AGPS: variants seen among roughly 807,000 people sequenced by gnomAD.
AGPS encodes the protein alkylglycerone phosphate synthase.
A neutral mutation model predicts 90.7 loss-of-function variants in AGPS; 26 were observed. The ratio of observed to expected loss-of-function variants is 0.29; its 90% CI spans 0.21 to 0.40. The LOEUF is 0.40. AGPS is among the 10% of genes least tolerant of loss of function. The pLI is 1.00. For synonymous variants in AGPS, 294 were observed against 285.3 expected (o/e 1.03, Z -0.31); for missense variants, 540 against 816.1 (o/e 0.66, Z 4.12).
intron 14 of AGPS, among the ~76,000 whole-genome samples, chr2:177,501,275 C>T (rs575500790): frequency 8.5e-5 from 13 of 152,236 alleles, no homozygotes; most frequent in African/African-American, 3.1e-4. Flanking sequence ...CACATCTGTA[C>T]ACACACCCAC....
rs564358151 is a variant in AGPS, at chr2:177,425,632, A to AAG, written c.350+5275_350+5276insGA. Among the ~76,000 whole-genome samples, 432 of 150,934 alleles carry AAG rather than the reference A, an allele frequency of 2.9e-3. 2 individuals are homozygous for AAG. The highest frequency in any genetic ancestry group is 1.0e-2 in the African/African-American group (411 of 41,168). On this transcript the variant is annotated intron_variant, in intron 2 of 19. Coordinates refer to ENST00000264167, the MANE Select transcript of AGPS (RefSeq NM_003659.4). ...GTGAAACTCTGCCTAGAAAAAAAAA[A>AAG]AAAAAAAAAAAAGGAAATCCTTTCC...
At chr2:177,468,361 GAC>G in intron 9 of AGPS, 53 bp from the exon 10 acceptor site, 1 of 1,027,348 alleles carries the variant, frequency 9.7e-7, no homozygotes, top group Non-Finnish European at 1.5e-6. Flanking sequence ...TCTGTACATA[GAC>G]ACACATTCAC....
intron 19 of AGPS, among the ~76,000 whole-genome samples, chr2:177,535,224 C>G (rs2079173185): frequency 2.6e-5 from 4 of 152,150 alleles, no homozygotes; most frequent in African/African-American, 7.2e-5. Flanking sequence ...CAGTAGATAA[C>G]TATCACATAC....
intron 13 of AGPS, among the ~76,000 whole-genome samples, chr2:177,498,426 AAT>A (rs1688470844): frequency 6.6e-6 from 1 of 151,180 alleles, no homozygotes; most frequent in Non-Finnish European, 1.5e-5. Flanking sequence ...CTTTGTCATA[AAT>A]GTTGTAAGTA....
At chr2:177,431,563 A>G (rs1251513372) in intron 2 of AGPS, among the ~76,000 whole-genome samples, 1 of 152,150 alleles carries the variant, frequency 6.6e-6, no homozygotes, top group East Asian at 1.9e-4. Flanking sequence ...TGAGACAGAC[A>G]CTTCCAGAGC....
chr2:177,397,487 G>A (rs1232283847), intron 1 of AGPS, among the ~76,000 whole-genome samples: 1 of 149,158 alleles, frequency 6.7e-6, no homozygotes, highest in African/African-American at 2.5e-5. Flanking sequence ...TTTTTTTAAG[G>A]CTCTTGTGGT....
chr2:177,488,713 C>G (rs1000740947), intron 11 of AGPS, among the ~76,000 whole-genome samples: 4 of 152,122 alleles, frequency 2.6e-5, no homozygotes, highest in Non-Finnish European at 5.9e-5. Flanking sequence ...GATTGATAGT[C>G]TATTTCCAAG....
At chr2:177,428,036 A>G (rs930399456) in intron 2 of AGPS, among the ~76,000 whole-genome samples, 1 of 152,040 alleles carries the variant, frequency 6.6e-6, no homozygotes, top group Non-Finnish European at 1.5e-5. Context: ...TATATTTAGG[A>G]TATTTAGCTC....
At chr2:177,472,162 T>TATAC (rs779797333) in intron 10 of AGPS, among the ~76,000 whole-genome samples, 66 of 151,872 alleles carry the variant, frequency 4.3e-4, no homozygotes, top group Non-Finnish European at 6.9e-4. Context: ...GGACATTGAT[T>TATAC]ATACGTATGT....
At chr2:177,411,263 A>G (rs773203792) in intron 1 of AGPS, among the ~76,000 whole-genome samples, 2 of 152,228 alleles carry the variant, frequency 1.3e-5, no homozygotes, top group Non-Finnish European at 2.9e-5. Flanking sequence ...TTGGCCTTCA[A>G]TAGAGTCAGT....
intron 1 of AGPS, among the ~76,000 whole-genome samples, chr2:177,411,296 A>C (rs1220706045): frequency 2.6e-5 from 4 of 152,222 alleles, no homozygotes; most frequent in Admixed American, 1.3e-4. Flanking sequence ...ATGCTTCCTC[A>C]GTGCCTCCCT....
chr2:177,500,085 TG>T (rs897327498), intron 14 of AGPS, among the ~76,000 whole-genome samples: 1 of 151,966 alleles, frequency 6.6e-6, no homozygotes, highest in African/African-American at 2.4e-5. Flanking sequence ...TCTTACTCTG[TG>T]GTGATAATAG....
Position 177,542,340 on chromosome 2 carries a change from A to G in AGPS, c.*4145A>G, listed in dbSNP as rs759870258. The G allele has an allele frequency of 1.3e-5, 2 of 152,028 alleles. No individual in the cohort carries two copies. The highest frequency in any genetic ancestry group is 2.4e-5 in the African/African-American group (1 of 41,390). The allele number at this position is 152,028 out of a possible 1,614,324, so 9.4% of individuals were successfully genotyped here. A position where few individuals can be genotyped will look rare whatever the true frequency, so the allele number is the denominator to read the frequency against. Reference sequence around the variant, plus strand: ...TTTGAGACTCCTATGAACCTGAAGCACTCCCTTTTGAACCTTGGAAGATCC... The same window carrying G: ...TTTGAGACTCCTATGAACCTGAAGCGCTCCCTTTTGAACCTTGGAAGATCC... On this transcript the variant is annotated 3_prime_UTR_variant, in exon 20 of 20. Transcript: ENST00000264167.
chr2:177,436,928 T>A (rs761454555), intron 4 of AGPS, 44 bp downstream of exon 4: 10 of 1,610,662 alleles, frequency 6.2e-6, no homozygotes, highest in Admixed American at 3.3e-5. Context: ...AACAAAAAAA[T>A]TCTATATTTT....
At chr2:177,455,602 C>T (rs1687089017) in intron 8 of AGPS, among the ~76,000 whole-genome samples, 1 of 151,966 alleles carries the variant, frequency 6.6e-6, no homozygotes, top group Admixed American at 6.6e-5. Context: ...CCTGTTTCTT[C>T]TATTTTTCTG....
intron 16 of AGPS, among the ~76,000 whole-genome samples, chr2:177,510,542 GT>G (rs1688840179): frequency 6.6e-6 from 1 of 151,766 alleles, no homozygotes; most frequent in African/African-American, 2.4e-5. Context: ...TTGACATCTT[GT>G]TTTTTTATTC....
At chr2:177,480,174 C>T (rs1022954148) in intron 10 of AGPS, among the ~76,000 whole-genome samples, 12 of 152,048 alleles carry the variant, frequency 7.9e-5, no homozygotes, top group Admixed American at 7.2e-4. Context: ...GAGCGAAACT[C>T]CATCTCAAAA....
chr2:177,486,822 A>T (rs986248916), intron 11 of AGPS, among the ~76,000 whole-genome samples: 1 of 150,772 alleles, frequency 6.6e-6, no homozygotes. Context: ...CTCTCATCCG[A>T]TCTTTGTCCA....
At chr2:177,430,867 T>G (rs1686222855) in intron 2 of AGPS, among the ~76,000 whole-genome samples, 2 of 152,212 alleles carry the variant, frequency 1.3e-5, no homozygotes, top group Non-Finnish European at 2.9e-5. Flanking sequence ...TTATGGGTAT[T>G]ATACATTAGT....
Sources: allele counts gnomAD v4.1 joint callset (sites outside exome capture counted in the v4.1 genomes callset), GRCh38; gene constraint gnomAD v4.1.1; transcripts MANE v1.5; gene names NCBI Gene and HGNC (gene_info 2026-07-23, HGNC 2026-07-21).